TPRG1: variants seen among roughly 807,000 people sequenced by gnomAD.
TPRG1 encodes the protein tumor protein p63-regulated gene 1 protein.
Under a neutral mutation model 29.3 loss-of-function variants are expected in TPRG1, and 29 were observed. That is an observed-to-expected ratio of 0.99 (90% CI 0.74 to 1.35). TPRG1 has a LOEUF of 1.35. Ranked by LOEUF, TPRG1 falls within the 40% of genes most tolerant of loss-of-function variation. The pLI, the probability that TPRG1 is intolerant of heterozygous loss-of-function variation, is 0.00. For synonymous variants in TPRG1, 130 were observed against 116.8 expected, an observed-to-expected ratio of 1.11 and a Z score of -0.73; for missense variants, 327 against 335.0, an observed-to-expected ratio of 0.98 and a Z score of 0.19.
chr3:189,137,740 C>T (rs879674397), intron 3 of TPRG1, among the ~76,000 whole-genome samples: 2 of 152,138 alleles, frequency 1.3e-5, no homozygotes, highest in Non-Finnish European at 2.9e-5. Context: ...TTTATGCCTG[C>T]TTCTCTCACG....
chr3:189,198,290 G>T (rs549476161), intron 1 of TPRG1, among the ~76,000 whole-genome samples: 1 of 152,032 alleles, frequency 6.6e-6, no homozygotes, highest in South Asian at 2.1e-4. Context: ...TCCCACACTC[G>T]CATTCCCCTC....
intron 4 of TPRG1, among the ~76,000 whole-genome samples, chr3:189,063,382 TA>T (rs1454764084): frequency 6.6e-6 from 1 of 152,084 alleles, no homozygotes; most frequent in Non-Finnish European, 1.5e-5. Flanking sequence ...AGAAAATACT[TA>T]AAAGATATGA....
chr3:189,059,605 CA>C, intron 4 of TPRG1, among the ~76,000 whole-genome samples: 1 of 144,758 alleles, frequency 6.9e-6, no homozygotes, highest in East Asian at 2.0e-4. Flanking sequence ...AAAACAAAAA[CA>C]AAAACAAAAT....
intron 4 of TPRG1, among the ~76,000 whole-genome samples, chr3:189,038,568 T>C (rs927753365): frequency 1.3e-5 from 2 of 151,970 alleles, no homozygotes; most frequent in South Asian, 4.2e-4. Flanking sequence ...TGGGGAATGA[T>C]TTCTGGAACA....
intron 3 of TPRG1, among the ~76,000 whole-genome samples, chr3:189,227,336 C>T (rs1315379114): frequency 6.6e-6 from 1 of 152,144 alleles, no homozygotes; most frequent in African/African-American, 2.4e-5. Context: ...GAATCTCCCC[C>T]ACCTTTCCTA....
intron 2 of TPRG1, among the ~76,000 whole-genome samples, chr3:189,210,482 A>G (rs1735095178): frequency 6.7e-6 from 1 of 149,282 alleles, no homozygotes; most frequent in South Asian, 2.1e-4. Context: ...AATAAGATAA[A>G]GAGTCTCAAA....
intron 1 of TPRG1, among the ~76,000 whole-genome samples, chr3:188,999,452 C>G (rs948324851): frequency 6.6e-6 from 1 of 152,120 alleles, no homozygotes; most frequent in Non-Finnish European, 1.5e-5. Context: ...ATTTCTCCAC[C>G]ACAGTATGGA....
chr3:189,206,808 C>CGTGTGTGTGTGTGTGTGT (rs142505576), intron 1 of TPRG1, among the ~76,000 whole-genome samples: 3,480 of 147,684 alleles, frequency 0.024, 150 homozygotes, highest in African/African-American at 0.072. Flanking sequence ...GCTGAACAAC[C>CGTGTGTGTGTGTGTGTGT]GTGTGTGTGT....
intron 1 of TPRG1, among the ~76,000 whole-genome samples, chr3:189,172,946 G>A (rs1729005331): frequency 6.6e-6 from 1 of 152,132 alleles, no homozygotes; most frequent in Non-Finnish European, 1.5e-5. Context: ...TCACACTGTG[G>A]TATGTAGAAA....
intron 3 of TPRG1, among the ~76,000 whole-genome samples, chr3:189,022,842 C>T (rs1713421213): frequency 6.6e-6 from 1 of 152,238 alleles, no homozygotes; most frequent in Non-Finnish European, 1.5e-5. Flanking sequence ...TGCCGCCTTG[C>T]AGTTTGATCT....
intron 3 of TPRG1, among the ~76,000 whole-genome samples, chr3:189,007,184 T>A (rs1712336458): frequency 6.6e-6 from 1 of 151,862 alleles, no homozygotes; most frequent in African/African-American, 2.4e-5. Flanking sequence ...TACAATGAAC[T>A]CAACCAAATT....
chr3:189,272,699 T>C (rs200246776), intron 4 of TPRG1, among the ~76,000 whole-genome samples: 217 of 137,030 alleles, frequency 1.6e-3, no homozygotes, highest in East Asian at 9.9e-3. Flanking sequence ...TTCTTTCTCT[T>C]TCTTTCTTTC....
At chr3:189,133,184 C>T (rs1322327555) in intron 3 of TPRG1, among the ~76,000 whole-genome samples, 1 of 152,100 alleles carries the variant, frequency 6.6e-6, no homozygotes, top group African/African-American at 2.4e-5. Flanking sequence ...AGAAATAAAA[C>T]TGGAAAGAGA....
chr3:189,315,481 G>A (rs1723360780), intron 5 of TPRG1: 2 of 454,578 alleles, frequency 4.4e-6, no homozygotes, highest in African/African-American at 4.0e-5. Context: ...TCGCTTTGCT[G>A]GGTTCCTACA....
chr3:189,013,237 C>CA (rs1403984885), intron 3 of TPRG1, among the ~76,000 whole-genome samples: 1 of 152,076 alleles, frequency 6.6e-6, no homozygotes, highest in Non-Finnish European at 1.5e-5. Flanking sequence ...TCACTGGTTT[C>CA]AAAAAACCTT....
chr3:189,037,340 C>G (rs1714337119), intron 4 of TPRG1, among the ~76,000 whole-genome samples: 1 of 151,700 alleles, frequency 6.6e-6, no homozygotes, highest in Non-Finnish European at 1.5e-5. Flanking sequence ...GATTTCATAT[C>G]AGAAGCTCTA....
At chr3:189,269,414 T>C (rs1714700432) in intron 4 of TPRG1, among the ~76,000 whole-genome samples, 1 of 152,222 alleles carries the variant, frequency 6.6e-6, no homozygotes, top group African/African-American at 2.4e-5. Flanking sequence ...TATTTGCTGA[T>C]GTGGATCACT....
At chr3:189,228,757 A>G (rs1300022481) in intron 3 of TPRG1, among the ~76,000 whole-genome samples, 1 of 152,186 alleles carries the variant, frequency 6.6e-6, no homozygotes, top group African/African-American at 2.4e-5. Context: ...GTAATACTGG[A>G]AGTTCTAGCC....
chr3:189,038,815 T>C (rs1319437701), intron 4 of TPRG1, among the ~76,000 whole-genome samples: 3 of 141,462 alleles, frequency 2.1e-5, no homozygotes, highest in Admixed American at 1.4e-4. Flanking sequence ...AAAAAATGAA[T>C]AGACAATTCA....
Sources: allele counts gnomAD v4.1 joint callset (sites outside exome capture counted in the v4.1 genomes callset), GRCh38; gene constraint gnomAD v4.1.1; transcripts MANE v1.5; gene names NCBI Gene and HGNC (gene_info 2026-07-23, HGNC 2026-07-21).